Variants in MYO5A observed in about 807,000 individuals in gnomAD.
The protein encoded by MYO5A is unconventional myosin-Va.
Under a neutral mutation model 249.7 loss-of-function variants are expected in MYO5A, and 98 were observed. The observed-to-expected ratio is 0.39, with a 90% CI of 0.33 to 0.46. MYO5A has a LOEUF of 0.46. MYO5A is among the 20% of genes least tolerant of loss of function. The pLI, the probability that MYO5A is intolerant of heterozygous loss-of-function variation, is 0.98. For missense variants in MYO5A, 1,696 were observed against 2,308.8 expected, an observed-to-expected ratio of 0.73 and a Z score of 5.44; for synonymous variants, 778 against 810.6, an observed-to-expected ratio of 0.96 and a Z score of 0.68.
At chr15:52,455,279 G>A (rs2076095443) in intron 1 of MYO5A, among the ~76,000 whole-genome samples, 1 of 151,888 alleles carries the variant, frequency 6.6e-6, no homozygotes, top group African/African-American at 2.4e-5. Flanking sequence ...TTGAAAACCT[G>A]AACTAATAAT....
chr15:52,433,980 T>G (rs2075601387), intron 1 of MYO5A, among the ~76,000 whole-genome samples: 1 of 151,298 alleles, frequency 6.6e-6, no homozygotes, highest in Admixed American at 6.7e-5. Flanking sequence ...CAATTTGGAT[T>G]TTTTTGTTCT....
intron 38 of MYO5A, 22 bp from the exon 39 acceptor site, chr15:52,319,364 T>C: frequency 1.9e-6 from 3 of 1,611,986 alleles, no homozygotes; most frequent in Non-Finnish European, 2.5e-6. Context: ...TTTCAATTGT[T>C]AGAGGAGATG....
intron 1 of MYO5A, among the ~76,000 whole-genome samples, chr15:52,512,471 T>C (rs1032990600): frequency 4.6e-5 from 7 of 151,992 alleles, no homozygotes; most frequent in African/African-American, 1.7e-4. Context: ...CTTCACAATA[T>C]ACTTCTTAGA....
At chr15:52,354,051 C>A (rs1180762926) in intron 25 of MYO5A, 37 bp from the exon 26 acceptor site, 3 of 1,612,056 alleles carry the variant, frequency 1.9e-6, no homozygotes, top group Non-Finnish European at 2.5e-6. Context: ...TCAAGACAAG[C>A]CAGAAGACAT....
intron 2 of MYO5A, among the ~76,000 whole-genome samples, chr15:52,429,615 G>T (rs954656680): frequency 3.3e-5 from 5 of 152,092 alleles, no homozygotes; most frequent in South Asian, 2.1e-4. Context: ...CTTGAACCCT[G>T]GAGGCAGAGG....
At chr15:52,495,716 A>C (rs2077024583) in intron 1 of MYO5A, among the ~76,000 whole-genome samples, 1 of 152,230 alleles carries the variant, frequency 6.6e-6, no homozygotes, top group African/African-American at 2.4e-5. Context: ...TTTAAGAAGC[A>C]AAAATGGACT....
At chr15:52,321,606 G>T in intron 37 of MYO5A, 97 bp from the exon 38 acceptor site, 2 of 1,384,600 alleles carry the variant, frequency 1.4e-6, no homozygotes, top group Non-Finnish European at 2.1e-6. Context: ...GCTCTTTTCT[G>T]CTCTGTCCAA....
rs2140898252 is a variant in MYO5A, at chr15:52,310,462, G to A, written c.*3234C>T. The A allele has an allele frequency of 6.6e-6, 1 of 152,362 alleles. No homozygotes were observed. The highest frequency in any genetic ancestry group is 2.1e-4 in the South Asian group (1 of 4,828). The allele number at this position is 152,362 out of a possible 1,614,324, so 9.4% of individuals were successfully genotyped here. Reference sequence around the variant, plus strand: ...GATAAAGAACTGTTGTGACTTTTAAGATCTCTTCCTTTGAATTCCCATTGT... The same window carrying A: ...GATAAAGAACTGTTGTGACTTTTAAAATCTCTTCCTTTGAATTCCCATTGT... On this transcript the variant is annotated 3_prime_UTR_variant, in exon 42 of 42. Coordinates refer to ENST00000399233, the MANE Select transcript of MYO5A (RefSeq NM_001382347.1).
chr15:52,368,499 T>C (rs572241568), intron 22 of MYO5A, among the ~76,000 whole-genome samples: 161 of 152,346 alleles, frequency 1.1e-3, no homozygotes, highest in African/African-American at 3.8e-3. Context: ...TACATAACTC[T>C]ACTGTAACTT....
chr15:52,391,737 G>A (rs2042246132), intron 12 of MYO5A, among the ~76,000 whole-genome samples, 193 bp downstream of exon 12: 1 of 152,098 alleles, frequency 6.6e-6, no homozygotes, highest in Non-Finnish European at 1.5e-5. Flanking sequence ...AAAAGAGGAG[G>A]GAAATTCTCC....
At position 52,474,207 on chromosome 15, in the gene MYO5A, G is replaced by GT. The variant is rs1162497919; in HGVS notation, c.28-40923dup. ...CTCTCTGTTTGTCTGTTATTGATGTGTAAGAATGCTTGTGATTTTTGCACA... is the reference window on the plus strand; with the variant it reads ...CTCTCTGTTTGTCTGTTATTGATGTGTTAAGAATGCTTGTGATTTTTGCACA... On this transcript the variant is annotated intron_variant, in intron 1 of 41. Transcript: ENST00000399233. 2.0e-5 allele frequency among the ~76,000 whole-genome samples: 3 copies of GT among 152,148 alleles called. No individual in the cohort carries two copies. In the East Asian group the frequency reaches 5.8e-4, roughly 29 times the overall value.
intron 1 of MYO5A, among the ~76,000 whole-genome samples, chr15:52,483,267 C>T (rs554836635): frequency 6.6e-6 from 1 of 152,296 alleles, no homozygotes; most frequent in East Asian, 1.9e-4. Context: ...CATCAAAAGG[C>T]CCTTACGAGT....
chr15:52,428,544 T>G lies in MYO5A; in HGVS notation c.164A>C (p.Lys55Thr), dbSNP rs766191267. 62 of 1,614,102 alleles carry G rather than the reference T, an allele frequency of 3.8e-5. No homozygotes were observed. Among genetic ancestry groups the G allele is most frequent in the Non-Finnish European group, 4.9e-5 (58 of 1,180,032 alleles). Residue 55 changes from lysine to threonine, a missense_variant, in exon 3 of 42, where the codon AAG becomes ACG. Lys to Thr is a moderately conservative substitution (Grantham distance 78). Coordinates refer to ENST00000399233, the MANE Select transcript of MYO5A (RefSeq NM_001382347.1). The stretch of plus-strand genomic sequence containing the variant: ...TCGTAAGTGAGGCAGCTCCTTGGTC[T>G]TTGGATCTAGATGGTATTCCAAATC... ...GKDLEYHLDP[K>T]TKELPHLRNP...
At position 52,487,408 on chromosome 15, in the gene MYO5A, C is replaced by G. The variant is rs556600313; in HGVS notation, c.27+41372G>C. Among the ~76,000 whole-genome samples the G allele has an allele frequency of 3.3e-5, 5 of 150,638 alleles. No individual in the cohort carries two copies. In the Admixed American group the frequency reaches 3.3e-4, roughly 10 times the overall value. On this transcript the variant is annotated intron_variant, in intron 1 of 41. Transcript: ENST00000399233. Reference sequence around the variant, plus strand: ...TCCAGCCTGGGCAACAGAGCAGACCCTGTCCCAAAAATTAAAAAAAAATTA... The same window carrying G: ...TCCAGCCTGGGCAACAGAGCAGACCGTGTCCCAAAAATTAAAAAAAAATTA...
At chr15:52,415,751 T>C (rs866077142) in intron 5 of MYO5A, among the ~76,000 whole-genome samples, 2 of 152,286 alleles carry the variant, frequency 1.3e-5, no homozygotes, top group Middle Eastern at 6.8e-3. Context: ...AAATCTTATG[T>C]TTTAGAAGGA....
chr15:52,471,413 C>T (rs937651496), intron 1 of MYO5A, among the ~76,000 whole-genome samples: 6 of 151,794 alleles, frequency 4.0e-5, no homozygotes, highest in Admixed American at 2.6e-4. Context: ...AGACCAGCCT[C>T]GGCAACATAG....
chr15:52,447,005 T>C (rs2075905650), intron 1 of MYO5A, among the ~76,000 whole-genome samples: 1 of 152,126 alleles, frequency 6.6e-6, no homozygotes, highest in Non-Finnish European at 1.5e-5. Flanking sequence ...TCTGAGTTAA[T>C]AGTAGAATGA....
intron 24 of MYO5A, among the ~76,000 whole-genome samples, chr15:52,360,517 T>C (rs79397602): frequency 0.014 from 2,196 of 152,280 alleles, 44 homozygotes; most frequent in African/African-American, 0.05. Context: ...GCATGGTAAC[T>C]AGGCATAAAT....
chr15:52,476,305 C>G (rs1011214787), intron 1 of MYO5A, among the ~76,000 whole-genome samples: 1 of 151,996 alleles, frequency 6.6e-6, no homozygotes, highest in Non-Finnish European at 1.5e-5. Context: ...TGAGATGGGT[C>G]TCCTGAATAC....
Sources: allele counts gnomAD v4.1 joint callset (sites outside exome capture counted in the v4.1 genomes callset), GRCh38; gene constraint gnomAD v4.1.1; transcripts MANE v1.5; gene names NCBI Gene and HGNC (gene_info 2026-07-23, HGNC 2026-07-21).